CNBD1: variants seen among roughly 807,000 people sequenced by gnomAD.
The protein encoded by CNBD1 is cyclic nucleotide binding domain containing 1.
A neutral mutation model predicts 54.4 loss-of-function variants in CNBD1; 71 were observed. That is an observed-to-expected ratio of 1.30 (90% CI 1.08 to 1.59). The LOEUF (loss-of-function observed/expected upper bound fraction) is 1.59, where lower values mean the gene tolerates loss of function less well. Ranked by LOEUF, CNBD1 falls within the 40% of genes most tolerant of loss-of-function variation. CNBD1 has a pLI of 0.00. For missense variants in CNBD1, 659 were observed against 518.0 expected (o/e 1.27, Z -2.64); for synonymous variants, 182 against 170.7 (o/e 1.07, Z -0.51).
intron 2 of CNBD1, among the ~76,000 whole-genome samples, chr8:87,418,192 C>A (rs372589044): frequency 6.6e-6 from 1 of 151,864 alleles, no homozygotes; most frequent in Non-Finnish European, 1.5e-5. Flanking sequence ...TAAGGATAGA[C>A]ATATGGGCTA....
chr8:87,317,897 T>C (rs1809431769), intron 8 of CNBD1, among the ~76,000 whole-genome samples: 1 of 147,718 alleles, frequency 6.8e-6, no homozygotes, highest in Non-Finnish European at 1.5e-5. Flanking sequence ...ATATACTTGA[T>C]TTTTTTTCTT....
chr8:86,968,847 C>T (rs1808153806), intron 4 of CNBD1, among the ~76,000 whole-genome samples: 3 of 152,140 alleles, frequency 2.0e-5, no homozygotes, highest in Admixed American at 6.5e-5. Context: ...GCATTTATCT[C>T]AGGTGAGTGG....
intron 4 of CNBD1, among the ~76,000 whole-genome samples, chr8:87,042,788 A>C (rs1194927519): frequency 2.0e-5 from 3 of 152,050 alleles, no homozygotes; most frequent in African/African-American, 4.8e-5. Context: ...TAAATATAAT[A>C]TGTAAAATAT....
At chr8:87,225,551 TG>T (rs1814463813) in intron 5 of CNBD1, among the ~76,000 whole-genome samples, 1 of 151,442 alleles carries the variant, frequency 6.6e-6, no homozygotes, top group African/African-American at 2.4e-5. Flanking sequence ...TTTATTGATT[TG>T]CGTATATTGA....
intron 8 of CNBD1, among the ~76,000 whole-genome samples, chr8:87,350,573 A>G (rs7841805): frequency 0.059 from 8,904 of 151,890 alleles, 815 homozygotes; most frequent in African/African-American, 0.2. Context: ...CTATTTTGGT[A>G]ACATCAATAA....
intron 4 of CNBD1, among the ~76,000 whole-genome samples, chr8:87,006,741 C>T (rs1364322969): frequency 2.6e-5 from 4 of 152,174 alleles, no homozygotes; most frequent in Non-Finnish European, 5.9e-5. Flanking sequence ...GGGACAGATA[C>T]TCAAACCATA....
intron 6 of CNBD1, among the ~76,000 whole-genome samples, chr8:87,256,002 TATA>T (rs1808006846): frequency 1.1e-4 from 2 of 17,752 alleles, no homozygotes; most frequent in African/African-American, 5.4e-4. Flanking sequence ...TATATATATA[TATA>T]TATATATATA....
rs916007948 is a variant in CNBD1, at chr8:86,915,530, C to T, written c.272+10336C>T. Among the ~76,000 whole-genome samples the T allele has an allele frequency of 5.3e-5, 8 of 152,278 alleles. 1 individual carries two copies. In the East Asian group the frequency reaches 5.8e-4, roughly 11 times the overall value. On this transcript the variant is annotated intron_variant, in intron 3 of 10. Transcript: ENST00000518476. Reference sequence around the variant, plus strand: ...AACTAAATATCTCCCAAAGTTAGCTCGGCCCATGCCCAGGAACAATTAAGG... The same window carrying T: ...AACTAAATATCTCCCAAAGTTAGCTTGGCCCATGCCCAGGAACAATTAAGG...
At chr8:86,953,742 C>T (rs1424871795) in intron 4 of CNBD1, among the ~76,000 whole-genome samples, 5 of 152,132 alleles carry the variant, frequency 3.3e-5, no homozygotes, top group Non-Finnish European at 7.3e-5. Flanking sequence ...TGGTGGGTGC[C>T]TGTAATCCCA....
intron 8 of CNBD1, among the ~76,000 whole-genome samples, chr8:87,350,084 A>C (rs531287569): frequency 2.4e-4 from 36 of 152,298 alleles, no homozygotes; most frequent in African/African-American, 8.7e-4. Flanking sequence ...GCCTTTCTTT[A>C]TATCCTTGCT....
At chr8:87,273,647 A>G (rs1263408255) in intron 6 of CNBD1, among the ~76,000 whole-genome samples, 1 of 151,990 alleles carries the variant, frequency 6.6e-6, no homozygotes, top group Admixed American at 6.6e-5. Flanking sequence ...TTCTCCAGTT[A>G]CTTTATCATG....
At chr8:87,235,880 G>T (rs942937170) in intron 5 of CNBD1, among the ~76,000 whole-genome samples, 2 of 152,006 alleles carry the variant, frequency 1.3e-5, no homozygotes, top group African/African-American at 4.8e-5. Flanking sequence ...GTATTGTGTT[G>T]CCTAGAAGGA....
intron 8 of CNBD1, among the ~76,000 whole-genome samples, chr8:87,302,118 A>G (rs1320309492): frequency 6.6e-6 from 1 of 152,098 alleles, no homozygotes; most frequent in East Asian, 1.9e-4. Context: ...AAAAGAGGGA[A>G]TCCTCCCTAA....
chr8:86,918,067 A>G (rs1792799795), intron 3 of CNBD1, among the ~76,000 whole-genome samples: 1 of 152,184 alleles, frequency 6.6e-6, no homozygotes, highest in South Asian at 2.1e-4. Flanking sequence ...CTATTAAAAT[A>G]CTTATTTAAA....
chr8:87,039,017 G>A (rs1810007079), intron 4 of CNBD1, among the ~76,000 whole-genome samples: 1 of 152,132 alleles, frequency 6.6e-6, no homozygotes, highest in African/African-American at 2.4e-5. Context: ...GCAGAACTCA[G>A]AAAGCTGAAG....
intron 8 of CNBD1, among the ~76,000 whole-genome samples, chr8:87,316,086 G>A (rs893274676): frequency 6.6e-6 from 1 of 152,004 alleles, no homozygotes; most frequent in African/African-American, 2.4e-5. Flanking sequence ...CCAAAAGGCT[G>A]AGAAGTGATT....
chr8:87,088,951 A>G (rs1811153031), intron 4 of CNBD1, among the ~76,000 whole-genome samples: 2 of 152,300 alleles, frequency 1.3e-5, no homozygotes, highest in South Asian at 4.1e-4. Flanking sequence ...TATGAACTGT[A>G]TGAGTAATAC....
chr8:87,301,233 G>A (rs775818491), intron 8 of CNBD1, among the ~76,000 whole-genome samples: 1 of 152,086 alleles, frequency 6.6e-6, no homozygotes, highest in Non-Finnish European at 1.5e-5. Context: ...AAAAAGTCCA[G>A]GACCAGATGG....
chr8:87,246,805 T>C (rs1023885005), intron 6 of CNBD1, among the ~76,000 whole-genome samples: 1 of 152,002 alleles, frequency 6.6e-6, no homozygotes, highest in South Asian at 2.1e-4. Context: ...TGGGGGATGG[T>C]TTTGGGATGA....
Sources: gnomAD v4.1 joint callset for allele counts (sites outside exome capture counted in the v4.1 genomes callset) on GRCh38, gnomAD v4.1.1 for gene constraint, MANE v1.5 for transcripts, NCBI Gene and HGNC (gene_info 2026-07-23, HGNC 2026-07-21) for gene names.